The following OR13D1 variants were observed in gnomAD, a reference collection of about 807,000 sequenced individuals.
The protein encoded by OR13D1 is olfactory receptor 13D1.
For missense variants in OR13D1, 353 were observed against 371.9 expected (o/e 0.95, Z 0.42); for synonymous variants, 125 against 140.2 (o/e 0.89, Z 0.76).
In OR13D1 at chr9:104,695,149, T is replaced by C. The variant is rs1827215659; in HGVS notation, c.632T>C (p.Leu211Pro). 6.2e-7 allele frequency: 1 copy of C among 1,613,088 alleles called. No homozygotes were observed. Residue 211 changes from leucine (L) to proline (P), a missense_variant, in exon 1 of 1, where the codon CTA becomes CCA. Transcript: ENST00000641530. ...AATATTGTTTCACTGGTGATTCTTC[T>C]ACTGTTAATTTTCATCTCCTATGTG... The part of the protein sequence containing the change: ...VTNIVSLVIL[L>P]LLIFISYVFI...
In OR13D1 at chr9:104,694,718, A is replaced by G. The variant is rs1299367580; in HGVS notation, c.201A>G (p.Ser67=). The G allele has an allele frequency of 6.2e-7, 1 of 1,613,910 alleles. No individual in the cohort carries two copies. Among genetic ancestry groups the G allele is most frequent in the Admixed American group, 1.7e-5 (1 of 59,978 alleles). ...TGTATTTCTTTCTTGGAAACCTCTC[A>G]TTCTTGGACATCTGTTACACATCCT... ...TPMYFFLGNL[S]FLDICYTSSS... Residue 67 remains serine, a synonymous_variant, in exon 1 of 1, where the codon TCA becomes TCG. Coordinates refer to ENST00000641530, the MANE Select transcript of OR13D1 (RefSeq NM_001004484.2).
rs756035886 is a variant in OR13D1, at chr9:104,694,752, C to A, written c.235C>A (p.Pro79Thr). 2.5e-6 allele frequency: 4 copies of A among 1,614,024 alleles called. No individual in the cohort carries two copies. The Admixed American group carries it at 6.7e-5, about 27-fold the overall frequency. The change falls in exon 1 of 1, where the codon CCT (proline) becomes ACT (threonine). Residue 79 changes from proline (P) to threonine (T), a missense_variant. Pro to Thr is a conservative substitution (Grantham distance 38). Transcript: ENST00000641530. ...CATCTGTTACACATCCTCATCCATT[C>A]CTCCAATGCTTATTATATTTATGTC... Reference protein sequence around the residue: ...LDICYTSSSIPPMLIIFMSER... With the variant: ...LDICYTSSSITPMLIIFMSER...
At position 104,694,627 on chromosome 9, in the gene OR13D1, T is replaced by A; in HGVS notation, c.110T>A (p.Ile37Lys). The change falls in exon 1 of 1, where the codon ATA becomes AAA. Residue 37 changes from isoleucine to lysine, a missense_variant. By Grantham distance (102) the Ile-to-Lys change is moderately radical. Transcript: ENST00000641530. The part of the protein sequence containing the change: ...LFLLCLIMYM[I>K]ILLGNSLLII... ...CTGCTCTGCCTCATCATGTACATGA[T>A]AATCCTCCTGGGAAATAGCCTCCTC... 1 of 1,614,086 alleles carries A rather than the reference T, an allele frequency of 6.2e-7. No homozygotes were observed. Among genetic ancestry groups the A allele is most frequent in the Non-Finnish European group, 8.5e-7 (1 of 1,179,924 alleles).
Position 104,695,002 on chromosome 9 carries a change from T to G in OR13D1, c.485T>G (p.Leu162Arg), listed in dbSNP as rs1335158187. The change falls in exon 1 of 1, where the codon CTG (leucine) becomes CGG (arginine). Residue 162 changes from leucine to arginine, a missense_variant. Physicochemically the swap from Leu to Arg is moderately radical, Grantham distance 102 (BLOSUM62 -2). Coordinates refer to ENST00000641530, the MANE Select transcript of OR13D1 (RefSeq NM_001004484.2). ...CTGACCTCCCTATTGCAAACAGTTC[T>G]GACAATGATGTTGCCTTTCTGTGGG... is the stretch of plus-strand genomic sequence containing the variant. Reference protein sequence around the residue: ...GCLTSLLQTVLTMMLPFCGNN... With the variant: ...GCLTSLLQTVRTMMLPFCGNN... The G allele has an allele frequency of 1.2e-6, 2 of 1,614,164 alleles. No homozygotes were observed. Among genetic ancestry groups the G allele is most frequent in the South Asian group, 2.2e-5 (2 of 91,078 alleles).
Position 104,694,682 on chromosome 9 carries a change from C to T in OR13D1, c.165C>T (p.Leu55=), listed in dbSNP as rs772213761. The change falls in exon 1 of 1, where the codon CTC becomes CTT. Residue 55 remains leucine (L), a synonymous_variant. Transcript: ENST00000641530. ...TCATCACCATCTTGGATTCTCGCCT[C>T]CATACTCCCATGTATTTCTTTCTTG... is the stretch of plus-strand genomic sequence containing the variant. ...LIIITILDSR[L]HTPMYFFLGN... is the part of the protein sequence containing the mutation. 2.1e-5 allele frequency: 34 copies of T among 1,614,144 alleles called. No individual in the cohort carries two copies. The South Asian group carries it at 3.5e-4, about 17-fold the overall frequency.
rs770728062 is a variant in OR13D1, at chr9:104,695,296, T to C, written c.779T>C (p.Met260Thr). The C allele has an allele frequency of 3.0e-5, 49 of 1,613,838 alleles. No homozygotes were observed. The highest frequency in any genetic ancestry group is 4.1e-5 in the Non-Finnish European group (48 of 1,179,968). The change falls in exon 1 of 1, where the codon ATG (methionine) becomes ACG (threonine). Residue 260 changes from methionine to threonine, a missense_variant. Coordinates refer to ENST00000641530, the MANE Select transcript of OR13D1 (RefSeq NM_001004484.2). ...LFYGSALFMY[M>T]KPKSKNTNTS... The stretch of plus-strand genomic sequence containing the variant: ...TACGGTTCAGCCCTTTTTATGTACA[T>C]GAAACCCAAGTCAAAGAACACTAAT...
In OR13D1 at chr9:104,694,937, G is replaced by C. The variant is rs764618763; in HGVS notation, c.420G>C (p.Leu140=). Residue 140 remains leucine, a synonymous_variant, in exon 1 of 1, where the codon CTG becomes CTC. Coordinates refer to ENST00000641530, the MANE Select transcript of OR13D1 (RefSeq NM_001004484.2). ...LRYSIIMNGV[L]YVQMAAWSWI... ...ACTCCATCATCATGAACGGAGTGCT[G>C]TATGTGCAAATGGCTGCATGGTCCT... 6.2e-6 allele frequency: 10 copies of C among 1,614,166 alleles called. No individual in the cohort carries two copies. The highest frequency in any genetic ancestry group is 8.5e-6 in the Non-Finnish European group (10 of 1,180,024).
In OR13D1 at chr9:104,695,369, G is replaced by A. The variant is rs753069024; in HGVS notation, c.852G>A (p.Met284Ile). ...TGTCTTATGGAGTGGTAAGCCCAATGTTAAATCCCATCATCTATAGCCTCA... is the reference window on the plus strand; with the variant it reads ...TGTCTTATGGAGTGGTAAGCCCAATATTAAATCCCATCATCTATAGCCTCA... Reference protein sequence around the residue: ...IGLSYGVVSPMLNPIIYSLRN... With the variant: ...IGLSYGVVSPILNPIIYSLRN... The change falls in exon 1 of 1, where the codon ATG becomes ATA. Residue 284 changes from methionine to isoleucine, a missense_variant. Coordinates refer to ENST00000641530, the MANE Select transcript of OR13D1 (RefSeq NM_001004484.2). The A allele has an allele frequency of 6.2e-7, 1 of 1,612,486 alleles. No individual in the cohort carries two copies. Among genetic ancestry groups the A allele is most frequent in the Admixed American group, 1.7e-5 (1 of 59,838 alleles).
chr9:104,695,267 A>T lies in OR13D1; in HGVS notation c.750A>T (p.Leu250Phe). The change falls in exon 1 of 1, where the codon TTA (leucine) becomes TTT (phenylalanine). Residue 250 changes from leucine to phenylalanine, a missense_variant. Leu to Phe is a conservative substitution (Grantham distance 22). Transcript: ENST00000641530. ...TCSAHSIVVILFYGSALFMYM... is the reference protein window; with the variant it reads ...TCSAHSIVVIFFYGSALFMYM... ...CAGCGCACTCGATTGTGGTCATCTT[A>T]TTCTACGGTTCAGCCCTTTTTATGT... 1.9e-6 allele frequency: 3 copies of T among 1,613,582 alleles called. No homozygotes were observed. The highest frequency in any genetic ancestry group is 2.5e-6 in the Non-Finnish European group (3 of 1,179,864).
rs1305439943 is a variant in OR13D1 at position 104,695,323 on chromosome 9, C to T, written c.806C>T (p.Thr269Ile). The part of the protein sequence containing the change: ...YMKPKSKNTN[T>I]SDEIIGLSYG... The stretch of plus-strand genomic sequence containing the variant: ...AAACCCAAGTCAAAGAACACTAATA[C>T]ATCTGATGAGATTATTGGGCTGTCT... The change falls in exon 1 of 1, where the codon ACA (threonine) becomes ATA (isoleucine). Residue 269 changes from threonine (T) to isoleucine (I), a missense_variant. Thr to Ile is a moderately conservative substitution (Grantham distance 89). Transcript: ENST00000641530. 1.2e-6 allele frequency: 2 copies of T among 1,613,758 alleles called. No individual in the cohort carries two copies. The highest frequency in any genetic ancestry group is 1.7e-5 in the Admixed American group (1 of 60,010).
Position 104,694,850 on chromosome 9 carries a change from G to A in OR13D1, c.333G>A (p.Glu111=). 6.2e-7 allele frequency: 1 copy of A among 1,614,156 alleles called. No homozygotes were observed. The highest frequency in any genetic ancestry group is 1.1e-5 in the South Asian group (1 of 91,074). The part of the protein sequence containing the change: ...MVVSLGLGST[E]CVLLAVMAYD... Reference sequence around the variant, plus strand: ...TGTCCCTTGGCTTGGGCTCCACTGAGTGTGTCCTCCTGGCTGTGATGGCCT... The same window carrying A: ...TGTCCCTTGGCTTGGGCTCCACTGAATGTGTCCTCCTGGCTGTGATGGCCT... The change falls in exon 1 of 1, where the codon GAG becomes GAA. Residue 111 remains glutamate (E), a synonymous_variant. Coordinates refer to ENST00000641530, the MANE Select transcript of OR13D1 (RefSeq NM_001004484.2).
chr9:104,694,887 G>T lies in OR13D1; in HGVS notation c.370G>T (p.Val124Leu). 6.2e-7 allele frequency: 1 copy of T among 1,614,110 alleles called. No homozygotes were observed. Among genetic ancestry groups the T allele is most frequent in the South Asian group, 1.1e-5 (1 of 91,082 alleles). Residue 124 changes from valine to leucine, a missense_variant, in exon 1 of 1, where the codon GTG becomes TTG. Transcript: ENST00000641530. ...LLAVMAYDHY[V>L]AICNPLRYSI... ...GGCTGTGATGGCCTATGACCACTAT[G>T]TGGCCATCTGCAACCCACTGAGGTA... is the stretch of plus-strand genomic sequence containing the variant.
rs748209820 is a variant in OR13D1 at position 104,694,814 on chromosome 9, G to A, written c.297G>A (p.Leu99=). The A allele has an allele frequency of 7.4e-6, 12 of 1,614,024 alleles. No homozygotes were observed. In the South Asian group the frequency reaches 7.7e-5, roughly 10 times the overall value. The part of the protein sequence containing the change: ...RKSISFIGCA[L]QMVVSLGLGS... ...CCATCTCCTTCATTGGCTGTGCTCT[G>A]CAGATGGTTGTGTCCCTTGGCTTGG... The change falls in exon 1 of 1, where the codon CTG becomes CTA. Residue 99 remains leucine, a synonymous_variant. Coordinates refer to ENST00000641530, the MANE Select transcript of OR13D1 (RefSeq NM_001004484.2).
At position 104,695,387 on chromosome 9, in the gene OR13D1, T is replaced by C. The variant is rs1375705830; in HGVS notation, c.870T>C (p.Tyr290=). 1.2e-6 allele frequency: 2 copies of C among 1,609,162 alleles called. No individual in the cohort carries two copies. The highest frequency in any genetic ancestry group is 8.5e-7 in the Non-Finnish European group (1 of 1,178,338). The change falls in exon 1 of 1, where the codon TAT becomes TAC. Residue 290 remains tyrosine (Y), a synonymous_variant. Transcript: ENST00000641530. ...GCCCAATGTTAAATCCCATCATCTA[T>C]AGCCTCAGGAATAAAGAGGTCAAAG... ...VVSPMLNPII[Y]SLRNKEVKEA...
In OR13D1 at chr9:104,695,236, C is replaced by G. The variant is rs770910320; in HGVS notation, c.719C>G (p.Thr240Ser). The change falls in exon 1 of 1, where the codon ACC becomes AGC. Residue 240 changes from threonine to serine, a missense_variant. Thr to Ser is a moderately conservative substitution (Grantham distance 58, BLOSUM62 1). Coordinates refer to ENST00000641530, the MANE Select transcript of OR13D1 (RefSeq NM_001004484.2). Reference sequence around the variant, plus strand: ...GAGGGAAGAAAGAAAGCCTTCTCTACCTGTTCAGCGCACTCGATTGTGGTC... The same window carrying G: ...GAGGGAAGAAAGAAAGCCTTCTCTAGCTGTTCAGCGCACTCGATTGTGGTC... ...CAEGRKKAFS[T>S]CSAHSIVVIL... 3 of 1,613,288 alleles carry G rather than the reference C, an allele frequency of 1.9e-6. No homozygotes were observed. Among genetic ancestry groups the G allele is most frequent in the Non-Finnish European group, 2.5e-6 (3 of 1,179,274 alleles).
chr9:104,695,054 T>C lies in OR13D1; in HGVS notation c.537T>C (p.Cys179=), dbSNP rs1827214452. The C allele has an allele frequency of 6.2e-7, 1 of 1,614,052 alleles. No homozygotes were observed. The change falls in exon 1 of 1, where the codon TGT becomes TGC. Residue 179 remains cysteine (C), a synonymous_variant. Transcript: ENST00000641530. The stretch of plus-strand genomic sequence containing the variant: ...ATAATGTCATTGATCATATTACCTG[T>C]GAAATTTTGGCCCTTCTAAAACTTG... ...CGNNVIDHIT[C]EILALLKLVC...
rs1827206080 is a variant in OR13D1 at position 104,694,879 on chromosome 9, A to T, written c.362A>T (p.Asp121Val). The T allele has an allele frequency of 2.5e-6, 4 of 1,613,820 alleles. No homozygotes were observed. Among genetic ancestry groups the T allele is most frequent in the Admixed American group, 1.7e-5 (1 of 59,984 alleles). The change falls in exon 1 of 1, where the codon GAC becomes GTC. Residue 121 changes from aspartate (D) to valine (V), a missense_variant. Transcript: ENST00000641530. ...ECVLLAVMAY[D>V]HYVAICNPLR... ...GTCCTCCTGGCTGTGATGGCCTATG[A>T]CCACTATGTGGCCATCTGCAACCCA...
rs779199925 is a variant in OR13D1, at chr9:104,695,194, T to A, written c.677T>A (p.Leu226Gln). 6.2e-7 allele frequency: 1 copy of A among 1,613,152 alleles called. No individual in the cohort carries two copies. Among genetic ancestry groups the A allele is most frequent in the East Asian group, 2.2e-5 (1 of 44,886 alleles). Residue 226 changes from leucine (L) to glutamine (Q), a missense_variant, in exon 1 of 1, where the codon CTG becomes CAG. Transcript: ENST00000641530. ...TATGTGTTTATTCTCTCTTCCATCC[T>A]GAGAATTAATTGTGCTGAGGGAAGA... Reference protein sequence around the residue: ...ISYVFILSSILRINCAEGRKK... With the variant: ...ISYVFILSSIQRINCAEGRKK...
Position 104,695,259 on chromosome 9 carries a change from G to C in OR13D1, c.742G>C (p.Val248Leu), listed in dbSNP as rs758764499. Reference protein sequence around the residue: ...FSTCSAHSIVVILFYGSALFM... With the variant: ...FSTCSAHSIVLILFYGSALFM... ...TACCTGTTCAGCGCACTCGATTGTG[G>C]TCATCTTATTCTACGGTTCAGCCCT... is the stretch of plus-strand genomic sequence containing the variant. The change falls in exon 1 of 1, where the codon GTC becomes CTC. Residue 248 changes from valine (V) to leucine (L), a missense_variant. Transcript: ENST00000641530. The C allele has an allele frequency of 1.9e-6, 3 of 1,613,524 alleles. No homozygotes were observed. The Admixed American group carries it at 5.0e-5, about 27-fold the overall frequency.
Sources: gnomAD v4.1 joint callset for allele counts on GRCh38, gnomAD v4.1.1 for gene constraint, MANE v1.5 for transcripts, NCBI Gene and HGNC (gene_info 2026-07-23, HGNC 2026-07-21) for gene names.